The following LINGO1 variants were observed in gnomAD, a reference collection of about 807,000 sequenced individuals.
LINGO1 encodes leucine-rich repeat and immunoglobulin-like domain-containing nogo receptor-interacting protein 1.
LINGO1 carries 11 observed loss-of-function variants against 37.3 expected under a neutral mutation model. That is an observed-to-expected ratio of 0.29 (90% CI 0.19 to 0.49). The LOEUF (loss-of-function observed/expected upper bound fraction) is 0.49, where lower values mean the gene tolerates loss of function less well. Among genes scored for constraint, LINGO1 ranks in the 20% least tolerant of loss-of-function variants. The pLI, the probability that LINGO1 is intolerant of heterozygous loss-of-function variation, is 0.99. For missense variants in LINGO1, 585 were observed against 878.2 expected, an observed-to-expected ratio of 0.67 and a Z score of 4.22; for synonymous variants, 387 against 403.0, an observed-to-expected ratio of 0.96 and a Z score of 0.48.
upstream of LINGO1, among the ~76,000 whole-genome samples, chr15:77,637,554 T>A (rs2074420114): frequency 6.6e-6 from 1 of 151,922 alleles, no homozygotes; most frequent in Non-Finnish European, 1.5e-5. This position sits in a 1 kb window ranked among gnomAD's most constrained non-coding sequence, Gnocchi z 4.6. Context: ...TTTCACGGGG[T>A]GGTGTGAGGG....
intron 1 of LINGO1, among the ~76,000 whole-genome samples, chr15:77,761,434 G>A (rs1395056162): frequency 1.3e-5 from 2 of 152,194 alleles, no homozygotes; most frequent in African/African-American, 2.4e-5. Context: ...TGGCGCAGAA[G>A]TTGGGACAGG....
chr15:77,739,140 C>T (rs1279154444), intron 1 of LINGO1, among the ~76,000 whole-genome samples: 2 of 152,258 alleles, frequency 1.3e-5, no homozygotes, highest in South Asian at 2.1e-4. Context: ...GGCAGCTGAA[C>T]GCAACCGGCG....
chr15:77,705,002 T>C (rs916377031), intron 2 of LINGO1, among the ~76,000 whole-genome samples: 3 of 151,960 alleles, frequency 2.0e-5, no homozygotes, highest in Non-Finnish European at 4.4e-5. Flanking sequence ...CAGGCTCCCA[T>C]CTCCTTGTGG....
intron 1 of LINGO1, among the ~76,000 whole-genome samples, chr15:77,631,852 T>C (rs1421038125): frequency 6.6e-6 from 1 of 152,062 alleles, no homozygotes; most frequent in Non-Finnish European, 1.5e-5. Context: ...GGCTGGAGCT[T>C]GTGGAGAAAC....
At chr15:77,785,490 T>A (rs1472236814) in intron 1 of LINGO1, among the ~76,000 whole-genome samples, 1 of 152,100 alleles carries the variant, frequency 6.6e-6, no homozygotes, top group Non-Finnish European at 1.5e-5. Flanking sequence ...TAAGGCTGTG[T>A]CCCAGGACCG....
rs79742956 is a variant in LINGO1 at position 77,623,244 on chromosome 15, G to C, written c.7-7344C>G. ...TTTCCACAGGCCAAGGAAGAGGCAGGGGGAGGGCATTTCCACAAAGGGAAC... is the reference window on the plus strand; with the variant it reads ...TTTCCACAGGCCAAGGAAGAGGCAGCGGGAGGGCATTTCCACAAAGGGAAC... On this transcript the variant is annotated intron_variant, in intron 1 of 1. Transcript: ENST00000355300. Among the ~76,000 whole-genome samples the C allele has an allele frequency of 7.0e-3, 1,073 of 152,310 alleles. 16 individuals are homozygous for C. The highest frequency in any genetic ancestry group is 0.024 in the African/African-American group (991 of 41,562).
chr15:77,816,135 C>T (rs1017486570), intron 1 of LINGO1, among the ~76,000 whole-genome samples: 1 of 152,208 alleles, frequency 6.6e-6, no homozygotes, highest in African/African-American at 2.4e-5. Flanking sequence ...TTGCCACTCC[C>T]CCACTGAGCC....
chr15:77,635,814 C>T (rs1248453214), upstream of LINGO1, among the ~76,000 whole-genome samples: 4 of 152,244 alleles, frequency 2.6e-5, no homozygotes, highest in African/African-American at 7.2e-5. Context: ...TCTGAGACTG[C>T]GTGTCTCATA....
intron 2 of LINGO1, among the ~76,000 whole-genome samples, chr15:77,711,049 T>A (rs2075912668): frequency 6.6e-6 from 1 of 152,194 alleles, no homozygotes; most frequent in South Asian, 2.1e-4. Flanking sequence ...TCTCTGAGCC[T>A]TTGCTCACCC....
intron 1 of LINGO1, among the ~76,000 whole-genome samples, chr15:77,627,853 G>A (rs1401094107): frequency 2.0e-5 from 3 of 152,178 alleles, no homozygotes; most frequent in Non-Finnish European, 2.9e-5. Context: ...AGACTTCAGG[G>A]ATGGTAAAGA....
intron 3 of LINGO1, among the ~76,000 whole-genome samples, chr15:77,663,878 G>C (rs1354434454): frequency 6.6e-6 from 1 of 152,074 alleles, no homozygotes; most frequent in African/African-American, 2.4e-5. Flanking sequence ...CAGAGGAAAT[G>C]CTCAGGCCCA....
intron 1 of LINGO1, among the ~76,000 whole-genome samples, chr15:77,800,142 C>T (rs2076905807): frequency 6.6e-6 from 1 of 152,320 alleles, no homozygotes; most frequent in South Asian, 2.1e-4. Context: ...TGGGCTCTGG[C>T]AGGAAAAGAG....
At chr15:77,651,862 T>C (rs2074764293) in intron 3 of LINGO1, 1 of 152,274 alleles carries the variant, frequency 6.6e-6, no homozygotes, top group South Asian at 2.1e-4. Flanking sequence ...ATTGGGGGTT[T>C]GGTCCTCTTA....
At chr15:77,816,133 C>A (rs979884661) in intron 1 of LINGO1, among the ~76,000 whole-genome samples, 1 of 152,200 alleles carries the variant, frequency 6.6e-6, no homozygotes, top group Non-Finnish European at 1.5e-5. Context: ...CCTTGCCACT[C>A]CCCCACTGAG....
Position 77,710,980 on chromosome 15 carries a change from C to T in LINGO1, c.-194-20079G>A, listed in dbSNP as rs77338412. On this transcript the variant is annotated intron_variant, in intron 2 of 3. Transcript: ENST00000561686. ...ATTGAGACGTCTGCAGGAGGCAGCC[C>T]GCACGGCCTTGCTTTCTGCCTCTTC... Among the ~76,000 whole-genome samples the T allele has an allele frequency of 4.5e-3, 680 of 152,336 alleles. 7 individuals are homozygous for T. The highest frequency in any genetic ancestry group is 0.015 in the African/African-American group (640 of 41,584).
chr15:77,623,010 C>T (rs185033258), intron 1 of LINGO1, among the ~76,000 whole-genome samples: 2 of 152,248 alleles, frequency 1.3e-5, no homozygotes, highest in Non-Finnish European at 2.9e-5. Context: ...TGACAGCCTC[C>T]GAAGTGGGAC....
At chr15:77,663,335 T>TC (rs1001146351) in intron 3 of LINGO1, among the ~76,000 whole-genome samples, 1 of 151,728 alleles carries the variant, frequency 6.6e-6, no homozygotes, top group Non-Finnish European at 1.5e-5. Context: ...CGGTGGTCAT[T>TC]CCCCATGATT....
chr15:77,660,787 A>C (rs767790483), intron 3 of LINGO1, among the ~76,000 whole-genome samples: 5 of 151,300 alleles, frequency 3.3e-5, no homozygotes, highest in Non-Finnish European at 5.9e-5. Context: ...TAGTTTTCCC[A>C]GTGTCTGGTT....
At chr15:77,672,601 C>T (rs554792845) in intron 3 of LINGO1, among the ~76,000 whole-genome samples, 13 of 152,170 alleles carry the variant, frequency 8.5e-5, no homozygotes, top group Admixed American at 3.3e-4. Flanking sequence ...GGCATGGGAA[C>T]CCAGAGCTCT....
Sources: gnomAD v4.1 joint callset for allele counts (sites outside exome capture counted in the v4.1 genomes callset) on GRCh38, gnomAD v4.1.1 for gene constraint, Gnocchi (gnomAD v3.1) non-coding constraint, MANE v1.5 for transcripts, NCBI Gene and HGNC (gene_info 2026-07-23, HGNC 2026-07-21) for gene names.